Variants in PDE7A observed in about 807,000 individuals in gnomAD.
PDE7A encodes the protein high affinity 3',5'-cyclic-AMP phosphodiesterase 7A.
Under a neutral mutation model 64.3 loss-of-function variants are expected in PDE7A, and 39 were observed. The ratio of observed to expected loss-of-function variants is 0.61; its 90% CI spans 0.47 to 0.79. PDE7A has a LOEUF of 0.79. Ranked by LOEUF, PDE7A falls within the 30% of genes least tolerant of loss-of-function variation. The pLI, the probability that PDE7A is intolerant of heterozygous loss-of-function variation, is 0.00. For missense variants in PDE7A, 470 were observed against 582.8 expected (o/e 0.81, Z 1.99); for synonymous variants, 203 against 206.8 (o/e 0.98, Z 0.16).
chr8:65,833,766 C>T (rs941371043), intron 1 of PDE7A, among the ~76,000 whole-genome samples: 2 of 152,054 alleles, frequency 1.3e-5, no homozygotes, highest in Admixed American at 6.5e-5. Context: ...GAGTTCCAGA[C>T]CAGCATGGGC....
intron 1 of PDE7A, among the ~76,000 whole-genome samples, chr8:65,821,647 T>C (rs1810544490): frequency 6.6e-6 from 1 of 152,240 alleles, no homozygotes. Context: ...AGAGCTATGC[T>C]GTCCAATGAG....
chr8:65,760,443 G>C (rs1808434050), intron 3 of PDE7A, among the ~76,000 whole-genome samples: 1 of 152,078 alleles, frequency 6.6e-6, no homozygotes, highest in Non-Finnish European at 1.5e-5. Context: ...CAACCTAATA[G>C]ATTCCCTTAG....
At chr8:65,755,133 G>C (rs1451947983) in intron 3 of PDE7A, among the ~76,000 whole-genome samples, 1 of 147,190 alleles carries the variant, frequency 6.8e-6, no homozygotes, top group Admixed American at 6.8e-5. Flanking sequence ...TGATTCTCCT[G>C]CCTCAGCCTC....
chr8:65,777,497 T>C (rs1430874004), intron 3 of PDE7A, among the ~76,000 whole-genome samples: 1 of 152,216 alleles, frequency 6.6e-6, no homozygotes, highest in African/African-American at 2.4e-5. Context: ...GTGTTATAGA[T>C]ATAATTTGAT....
intron 6 of PDE7A, among the ~76,000 whole-genome samples, chr8:65,737,390 C>CA (rs1339027345): frequency 1.3e-5 from 2 of 152,230 alleles, no homozygotes; most frequent in Non-Finnish European, 2.9e-5. Context: ...TGGGGCTACT[C>CA]ACACTATATT....
At chr8:65,764,149 G>C (rs1485489351) in intron 3 of PDE7A, among the ~76,000 whole-genome samples, 1 of 152,224 alleles carries the variant, frequency 6.6e-6, no homozygotes, top group Non-Finnish European at 1.5e-5. Context: ...AATTACAATA[G>C]AAAAGAGATA....
At chr8:65,739,966 C>T (rs750706941) in intron 5 of PDE7A, among the ~76,000 whole-genome samples, 37 of 152,278 alleles carry the variant, frequency 2.4e-4, no homozygotes, top group Non-Finnish European at 4.7e-4. Context: ...CCTGACATTG[C>T]CTCTGCCATC....
chr8:65,737,116 A>AAACT (rs1026835736), intron 6 of PDE7A, among the ~76,000 whole-genome samples: 1 of 152,004 alleles, frequency 6.6e-6, no homozygotes, highest in African/African-American at 2.4e-5. Flanking sequence ...TCAAACAAAC[A>AAACT]AACTAACTAA....
chr8:65,833,077 G>C (rs1810871349), intron 1 of PDE7A, among the ~76,000 whole-genome samples: 1 of 152,164 alleles, frequency 6.6e-6, no homozygotes. Context: ...AGAGTGCACA[G>C]CAATCAACAA....
rs546141689 is a variant in PDE7A, at chr8:65,733,746, T to C, written c.696+1048A>G. ...AAAGTTGATTTTTTAAAAGTCATGATATATATACTAAAAAACGGGCATTTT... is the reference window on the plus strand; with the variant it reads ...AAAGTTGATTTTTTAAAAGTCATGACATATATACTAAAAAACGGGCATTTT... On this transcript the variant is annotated intron_variant, in intron 7 of 12. Coordinates refer to ENST00000401827, the MANE Select transcript of PDE7A (RefSeq NM_001242318.3). 1.1e-4 allele frequency among the ~76,000 whole-genome samples: 17 copies of C among 152,324 alleles called. No individual in the cohort carries two copies. In the South Asian group the frequency reaches 2.1e-3, roughly 19 times the overall value.
chr8:65,787,883 T>A (rs1809604707), intron 1 of PDE7A, among the ~76,000 whole-genome samples: 2 of 152,056 alleles, frequency 1.3e-5, no homozygotes, highest in Admixed American at 1.3e-4. Flanking sequence ...GGCAAGCCAA[T>A]CCTTTAAAAA....
At chr8:65,828,741 C>G (rs1243010572) in intron 1 of PDE7A, among the ~76,000 whole-genome samples, 1 of 152,050 alleles carries the variant, frequency 6.6e-6, no homozygotes, top group East Asian at 1.9e-4. Flanking sequence ...ATATCCTTCC[C>G]AACAGTGGAT....
intron 5 of PDE7A, among the ~76,000 whole-genome samples, chr8:65,742,762 G>A (rs758003430): frequency 1.3e-5 from 2 of 152,192 alleles, no homozygotes; most frequent in East Asian, 3.8e-4. Flanking sequence ...TTGAATAGCT[G>A]TAGTTAACTG....
chr8:65,838,503 T>C (rs1201335166), intron 1 of PDE7A: 1 of 152,202 alleles, frequency 6.6e-6, no homozygotes, highest in Non-Finnish European at 1.5e-5. Context: ...TGGTGTTCCA[T>C]CCACATAAAT....
chr8:65,727,907 A>G (rs1380708101), intron 7 of PDE7A: 3 of 152,244 alleles, frequency 2.0e-5, no homozygotes, highest in African/African-American at 7.2e-5. Context: ...GCAATCTTGC[A>G]CACCAGAAAT....
chr8:65,825,940 G>C (rs1810662621), intron 1 of PDE7A, among the ~76,000 whole-genome samples: 1 of 152,114 alleles, frequency 6.6e-6, no homozygotes, highest in Non-Finnish European at 1.5e-5. Context: ...AAGTGTAACA[G>C]GTAATGGGAT....
At chr8:65,755,932 T>G (rs1019196393) in intron 3 of PDE7A, among the ~76,000 whole-genome samples, 1 of 152,246 alleles carries the variant, frequency 6.6e-6, no homozygotes, top group Non-Finnish European at 1.5e-5. Context: ...CTACCATTTC[T>G]TGTAGGACAG....
chr8:65,816,727 C>G (rs563724070), intron 1 of PDE7A, among the ~76,000 whole-genome samples: 221 of 152,352 alleles, frequency 1.5e-3, no homozygotes, highest in Non-Finnish European at 3.0e-3. Context: ...ATTGCTGATG[C>G]TTCCCTCTTG....
chr8:65,819,938 T>C (rs1810501929), intron 1 of PDE7A, among the ~76,000 whole-genome samples: 1 of 152,186 alleles, frequency 6.6e-6, no homozygotes, highest in South Asian at 2.1e-4. Flanking sequence ...AATTTCCTCC[T>C]TCTCCTCCCC....
Sources: allele counts gnomAD v4.1 joint callset (sites outside exome capture counted in the v4.1 genomes callset), GRCh38; gene constraint gnomAD v4.1.1; transcripts MANE v1.5; gene names NCBI Gene and HGNC (gene_info 2026-07-23, HGNC 2026-07-21).